CCNT2: variants seen among roughly 807,000 people sequenced by gnomAD.
The protein encoded by CCNT2 is cyclin T2, also known as cyclin-T2.
CCNT2 carries 18 observed loss-of-function variants against 70.0 expected under a neutral mutation model. The observed-to-expected ratio is 0.26, with a 90% CI of 0.18 to 0.38. The LOEUF is 0.38. Among genes scored for constraint, CCNT2 ranks in the 10% least tolerant of loss-of-function variants. The probability of loss-of-function intolerance (pLI) is 1.00; values close to 1 mark genes in which losing one functional copy is unlikely to be tolerated. For synonymous variants in CCNT2, 334 were observed against 313.3 expected (o/e 1.07, Z -0.70); for missense variants, 734 against 890.2 (o/e 0.82, Z 2.23).
Position 134,953,349 on chromosome 2 carries a change from C to G in CCNT2, c.894C>G (p.Asn298Lys), listed in dbSNP as rs756895419. 1.2e-6 allele frequency: 2 copies of G among 1,606,332 alleles called. No homozygotes were observed. The highest frequency in any genetic ancestry group is 1.7e-6 in the Non-Finnish European group (2 of 1,175,678). Residue 298 changes from asparagine (N) to lysine (K), a missense_variant, in exon 9 of 9, where the codon AAC becomes AAG. Physicochemically the swap from Asn to Lys is moderately conservative, Grantham distance 94 (BLOSUM62 0). This residue lies in a region of CCNT2 where 532 missense variants were observed against 556.9 expected (regional missense o/e 0.96). Coordinates refer to ENST00000264157, the MANE Select transcript of CCNT2 (RefSeq NM_058241.3). Reference sequence around the variant, plus strand: ...ATAGTGTCACTGGTGTGCCTACAAACCCAAGTTTTCAGAAACCATCTACAT... The same window carrying G: ...ATAGTGTCACTGGTGTGCCTACAAAGCCAAGTTTTCAGAAACCATCTACAT... ...LVDSVTGVPT[N>K]PSFQKPSTSA...
At position 134,953,928 on chromosome 2, in the gene CCNT2, T is replaced by C. The variant is rs1293861750; in HGVS notation, c.1473T>C (p.Thr491=). 1 of 1,613,630 alleles carries C rather than the reference T, an allele frequency of 6.2e-7. No homozygotes were observed. Among genetic ancestry groups the C allele is most frequent in the East Asian group, 2.2e-5 (1 of 44,878 alleles). The change falls in exon 9 of 9, where the codon ACT becomes ACC. Residue 491 remains threonine, a synonymous_variant. Coordinates refer to ENST00000264157, the MANE Select transcript of CCNT2 (RefSeq NM_058241.3). ...PIKMKIPIAN[T]EKYMADKKEK... ...AAATGAAAATACCTATCGCAAATAC[T>C]GAAAAATACATGGCAGACAAAAAGG...
At chr2:134,945,581 C>T in intron 5 of CCNT2, 1 of 985,326 alleles carries the variant, frequency 1.0e-6, no homozygotes, top group African/African-American at 1.7e-5. Flanking sequence ...GGTTTATTCT[C>T]TGTTGATGCT....
At position 134,931,262 on chromosome 2, in the gene CCNT2, C is replaced by CTTTTTTTTTTTT. The variant is rs112471982; in HGVS notation, c.241-5565_241-5554dup. On this transcript the variant is annotated intron_variant, in intron 2 of 8. Transcript: ENST00000264157. ...CAGGCATAAGCCACCATGCCCGGAT[C>CTTTTTTTTTTTT]TTTTTTTTTTTTTTTTTTTTTTTTT... Among the ~76,000 whole-genome samples the CTTTTTTTTTTTT allele has an allele frequency of 9.0e-4, 38 of 42,424 alleles. 3 individuals carry two copies. In the East Asian group the frequency reaches 0.015, roughly 17 times the overall value. 27.8% of individuals were successfully genotyped at this position (42,424 alleles called of 152,430 possible). A position where few individuals can be genotyped will look rare whatever the true frequency, so the allele number is the denominator to read the frequency against.
chr2:134,945,279 T>C (rs1681867370), intron 5 of CCNT2: 2 of 985,204 alleles, frequency 2.0e-6, no homozygotes, highest in Non-Finnish European at 2.4e-6. Context: ...AAACTGATCC[T>C]AGGTGAGCAG....
chr2:134,950,871 A>C (rs1368890132), intron 7 of CCNT2, among the ~76,000 whole-genome samples: 3 of 152,180 alleles, frequency 2.0e-5, no homozygotes, highest in Non-Finnish European at 4.4e-5. Context: ...TTGTTCTGCT[A>C]TAAAATTTAA....
chr2:134,920,590 A>T (rs1679825146), intron 2 of CCNT2, among the ~76,000 whole-genome samples: 1 of 152,248 alleles, frequency 6.6e-6, no homozygotes, highest in African/African-American at 2.4e-5. Flanking sequence ...TTTATGAAAG[A>T]TACGAGTTTG....
At chr2:134,922,311 A>G (rs998421366) in intron 2 of CCNT2, among the ~76,000 whole-genome samples, 2 of 152,264 alleles carry the variant, frequency 1.3e-5, no homozygotes, top group Admixed American at 6.5e-5. Context: ...TATTAATAAC[A>G]TCCATTAACT....
rs960518369 is a variant in CCNT2 at position 134,943,981 on chromosome 2, T to C, written c.493+1307T>C. On this transcript the variant is annotated intron_variant, in intron 5 of 8. Transcript: ENST00000264157. ...TTCATTCTAAATTGAATTCATTTTA[T>C]ACCTAGTGATTTATTATGTTAGTGG... is the stretch of plus-strand genomic sequence containing the variant. 1.2e-5 allele frequency: 12 copies of C among 965,454 alleles called. No individual in the cohort carries two copies. The South Asian group carries it at 3.9e-4, about 31-fold the overall frequency. The allele number at this position is 965,454 out of a possible 1,614,324, so 59.8% of individuals were successfully genotyped here.
intron 2 of CCNT2, among the ~76,000 whole-genome samples, chr2:134,928,270 A>ATTTTTTTTTT (rs1680442850): frequency 1.3e-5 from 1 of 77,990 alleles, no homozygotes; most frequent in African/African-American, 5.5e-5. Context: ...CTCACATTGT[A>ATTTTTTTTTT]TTTCTTTTTT....
At position 134,919,895 on chromosome 2, in the gene CCNT2, A is replaced by G; in HGVS notation, c.240+4A>G. On this transcript the variant is annotated splice_donor_region_variant and intron_variant, in intron 2 of 8. Transcript: ENST00000264157. ...TTTCACCAAATTCAACAAAAATGTA[A>G]GTACTAGTTGTCTGTTTTTACTGTC... 1 of 1,558,180 alleles carries G rather than the reference A, an allele frequency of 6.4e-7. No individual in the cohort carries two copies. The highest frequency in any genetic ancestry group is 8.7e-7 in the Non-Finnish European group (1 of 1,148,876).
intron 4 of CCNT2, among the ~76,000 whole-genome samples, chr2:134,942,174 A>G (rs934746805): frequency 6.6e-6 from 1 of 151,278 alleles, no homozygotes; most frequent in African/African-American, 2.4e-5. Context: ...AGAGTGCCGT[A>G]TCATTTAAAA....
intron 5 of CCNT2, chr2:134,944,114 A>G: frequency 1.0e-6 from 1 of 984,360 alleles, no homozygotes; most frequent in Non-Finnish European, 1.2e-6. Context: ...AAGCTAGAAC[A>G]TATTTAACTG....
At chr2:134,926,643 C>G (rs1206094683) in intron 2 of CCNT2, among the ~76,000 whole-genome samples, 1 of 152,200 alleles carries the variant, frequency 6.6e-6, no homozygotes, top group Non-Finnish European at 1.5e-5. Context: ...TGTCTTTTGG[C>G]TCTTTGAGGT....
At chr2:134,919,547 A>G (rs1352136647) in intron 1 of CCNT2, among the ~76,000 whole-genome samples, 1 of 152,120 alleles carries the variant, frequency 6.6e-6, no homozygotes, top group African/African-American at 2.4e-5. Flanking sequence ...GAGTTTAGTT[A>G]GTCGTAGCCA....
At chr2:134,921,643 C>T (rs981633625) in intron 2 of CCNT2, among the ~76,000 whole-genome samples, 4 of 152,232 alleles carry the variant, frequency 2.6e-5, no homozygotes, top group African/African-American at 9.6e-5. Flanking sequence ...CACGAACCAC[C>T]GTGCCCGGCC....
intron 2 of CCNT2, among the ~76,000 whole-genome samples, chr2:134,922,306 A>G (rs955857922): frequency 4.6e-5 from 7 of 152,362 alleles, no homozygotes; most frequent in African/African-American, 9.6e-5. Flanking sequence ...GTAAATATTA[A>G]TAACATCCAT....
rs772869230 is a variant in CCNT2, at chr2:134,953,215, G to GTT, written c.775-12_775-11dup. The GTT allele has an allele frequency of 1.2e-5, 19 of 1,580,878 alleles. No homozygotes were observed. In the South Asian group the frequency reaches 1.8e-4, roughly 15 times the overall value. On this transcript the variant is annotated splice_polypyrimidine_tract_variant and intron_variant, in intron 8 of 8. Coordinates refer to ENST00000264157, the MANE Select transcript of CCNT2 (RefSeq NM_058241.3). ...TTTGCTATATCACTGCTTCTTCTGT[G>GTT]TTTTATTTTAATAGGCTAATCAGGC...
Position 134,957,160 on chromosome 2 carries a change from T to C in CCNT2, c.*2512T>C, listed in dbSNP as rs1407479757. The C allele has an allele frequency of 1.3e-5, 2 of 152,218 alleles. No individual in the cohort carries two copies. Among genetic ancestry groups the C allele is most frequent in the Non-Finnish European group, 2.9e-5 (2 of 68,012 alleles). The allele number at this position is 152,218 out of a possible 1,614,324, so 9.4% of individuals were successfully genotyped here. On this transcript the variant is annotated 3_prime_UTR_variant, in exon 9 of 9. Transcript: ENST00000264157. ...CCCTTATAATTCATACTATCATGAA[T>C]TTGCTTTATCCATCTCATTTGCATA...
chr2:134,948,720 C>CTTTTTTT (rs11385900), intron 7 of CCNT2, among the ~76,000 whole-genome samples: 3 of 143,190 alleles, frequency 2.1e-5, no homozygotes, highest in Non-Finnish European at 1.5e-5. Flanking sequence ...ATAGATAACA[C>CTTTTTTT]TTTTTTTTTT....
Sources: gnomAD v4.1 joint callset for allele counts (sites outside exome capture counted in the v4.1 genomes callset) on GRCh38, gnomAD v4.1.1 for gene constraint, gnomAD v4.1.1 regional missense constraint, MANE v1.5 for transcripts, NCBI Gene and HGNC (gene_info 2026-07-23, HGNC 2026-07-21) for gene names.